Variants in EIF4E2 observed in about 807,000 individuals in gnomAD.
EIF4E2 encodes eukaryotic translation initiation factor 4E type 2.
EIF4E2 carries 13 observed loss-of-function variants against 34.2 expected under a neutral mutation model. That is an observed-to-expected ratio of 0.38 (90% confidence interval 0.25 to 0.60). The LOEUF is 0.60. Among genes scored for constraint, EIF4E2 ranks in the 20% least tolerant of loss-of-function variants. The pLI, the probability that EIF4E2 is intolerant of heterozygous loss-of-function variation, is 0.62. For missense variants in EIF4E2, 222 were observed against 315.1 expected (o/e 0.70, Z 2.24); for synonymous variants, 100 against 106.6 (o/e 0.94, Z 0.38).
chr2:232,571,041 A>G (rs1462709235), downstream of EIF4E2, among the ~76,000 whole-genome samples: 1 of 152,188 alleles, frequency 6.6e-6, no homozygotes, highest in African/African-American at 2.4e-5. Flanking sequence ...GGAGTTTTTT[A>G]AGAGTAGCTT....
At chr2:232,568,135 T>TA (rs1484914998) in intron 6 of EIF4E2, 1 of 985,270 alleles carries the variant, frequency 1.0e-6, no homozygotes, top group African/African-American at 1.7e-5. Context: ...CGGGGCCAAG[T>TA]AGTAGTATTG....
intron 3 of EIF4E2, among the ~76,000 whole-genome samples, chr2:232,563,189 C>T (rs1026344315): frequency 7.2e-5 from 11 of 152,272 alleles, no homozygotes; most frequent in Middle Eastern, 3.4e-3. Flanking sequence ...TTTTCTCTTT[C>T]CTCCTAAAGT....
Position 232,569,115 on chromosome 2 carries a change from A to G in EIF4E2, c.*98A>G. The G allele has an allele frequency of 1.3e-6, 2 of 1,538,392 alleles. No individual in the cohort carries two copies. The highest frequency in any genetic ancestry group is 2.4e-5 in the South Asian group (2 of 83,320). On this transcript the variant is annotated 3_prime_UTR_variant, in exon 7 of 7. Transcript: ENST00000258416. ...CCTGGAAGATCCTTCTGTCCTGGAC[A>G]AGAGGAATTGGAAGAGCATTTTATG...
chr2:232,558,063 C>A, intron 3 of EIF4E2, 45 bp downstream of exon 3: 2 of 1,607,004 alleles, frequency 1.2e-6, no homozygotes, highest in South Asian at 2.2e-5. Context: ...ATAGTTCGTT[C>A]ATGCCTGTAT....
rs879729698 is a variant in EIF4E2 at position 232,566,098 on chromosome 2, GAAAA to G, written c.376-721_376-718del. Among the ~76,000 whole-genome samples the G allele has an allele frequency of 1.7e-4, 24 of 137,512 alleles. No homozygotes were observed. The highest frequency in any genetic ancestry group is 4.8e-4 in the South Asian group (2 of 4,204). The allele number at this position is 137,512 out of a possible 152,430, so 90.2% of individuals were successfully genotyped here. ...CAGCGGGAGACTCCATCGCAAAAAA[GAAAA>G]AAAAAAAAACTAGATTGGGGCTTCA... is the stretch of plus-strand genomic sequence containing the variant. On this transcript the variant is annotated intron_variant, in intron 4 of 6. Transcript: ENST00000258416. The surrounding 1 kb of genome is among the most constrained non-coding windows in gnomAD (Gnocchi z 4.9).
chr2:232,580,992 G>A (rs1452608197), exon 7 of EIF4E2: 3 of 1,527,138 alleles, frequency 2.0e-6, no homozygotes, highest in Admixed American at 2.0e-5. Context: ...GTGTTTGTCC[G>A]AAATGGATGG....
rs1442216813 is a variant in EIF4E2 at position 232,550,747 on chromosome 2, G to A, written c.20+3G>A. 1 of 1,574,534 alleles carries A rather than the reference G, an allele frequency of 6.4e-7. No homozygotes were observed. The highest frequency in any genetic ancestry group is 1.2e-5 in the South Asian group (1 of 86,312). On this transcript the variant is annotated splice_donor_region_variant and intron_variant, in intron 1 of 6. Coordinates refer to ENST00000258416, the MANE Select transcript of EIF4E2 (RefSeq NM_004846.4). ...AGGATGAACAACAAGTTCGACGCGT[G>A]AGTGGCTCGTGGCCGCCCCCGGGGC...
intron 1 of EIF4E2, among the ~76,000 whole-genome samples, chr2:232,553,611 T>A (rs534046445): frequency 9.2e-5 from 14 of 152,288 alleles, no homozygotes; most frequent in Non-Finnish European, 1.8e-4. Context: ...GAGCACTGAT[T>A]TTTCAGTCTG....
At chr2:232,565,536 A>G (rs779472907) in intron 4 of EIF4E2, among the ~76,000 whole-genome samples, 52 of 152,182 alleles carry the variant, frequency 3.4e-4, no homozygotes, top group Middle Eastern at 6.8e-3. Context: ...CGGGAGGCTG[A>G]GACAGGAGAC....
exon 7 of EIF4E2, chr2:232,582,123 A>G (rs1360753613): frequency 2.0e-5 from 3 of 152,696 alleles, no homozygotes; most frequent in African/African-American, 7.2e-5. Flanking sequence ...GACTGAAGTC[A>G]GAGAAGTCAC....
intron 6 of EIF4E2, chr2:232,567,686 T>A: frequency 6.9e-6 from 7 of 1,007,278 alleles, no homozygotes; most frequent in Non-Finnish European, 8.3e-6. Flanking sequence ...TGTATAGAGC[T>A]GACTCTTAGA....
At chr2:232,578,064 A>T (rs1315109863) in intron 6 of EIF4E2, among the ~76,000 whole-genome samples, 1 of 152,178 alleles carries the variant, frequency 6.6e-6, no homozygotes, top group Non-Finnish European at 1.5e-5. Context: ...CAAATTTGGC[A>T]TCAAGCTGTT....
intron 6 of EIF4E2, among the ~76,000 whole-genome samples, chr2:232,576,020 A>G (rs571596118): frequency 1.8e-3 from 279 of 152,274 alleles, no homozygotes; most frequent in African/African-American, 6.1e-3. Flanking sequence ...CCTGGCCAAC[A>G]TGGTGAAACC....
chr2:232,553,865 C>CA (rs3838537), intron 1 of EIF4E2: 116,546 of 152,038 alleles, frequency 0.77, 45,206 homozygotes, highest in Middle Eastern at 0.91. Context: ...TGATCAGCAG[C>CA]AAACCACTAA....
At position 232,550,721 on chromosome 2, in the gene EIF4E2, G is replaced by T; in HGVS notation, c.-4G>T. ...GAGGCAGTGGCGACAGCGGCGGCGA[G>T]AGGATGAACAACAAGTTCGACGCGT... On this transcript the variant is annotated 5_prime_UTR_variant, in exon 1 of 7. Transcript: ENST00000258416. 1 of 1,586,170 alleles carries T rather than the reference G, an allele frequency of 6.3e-7. No individual in the cohort carries two copies. The highest frequency in any genetic ancestry group is 8.6e-7 in the Non-Finnish European group (1 of 1,168,044).
chr2:232,574,991 GT>G (rs1373509261), intron 6 of EIF4E2, among the ~76,000 whole-genome samples: 1 of 152,174 alleles, frequency 6.6e-6, no homozygotes, highest in African/African-American at 2.4e-5. Flanking sequence ...TCAAGTCCAT[GT>G]TTGTCTCTGT....
At chr2:232,583,038 T>A (rs1355441532) in exon 7 of EIF4E2, 3 of 152,222 alleles carry the variant, frequency 2.0e-5, no homozygotes, top group Non-Finnish European at 4.4e-5. Context: ...AGTCAGTTTA[T>A]CTAAACCCTC....
At chr2:232,569,294 G>C, downstream of EIF4E2, 1 of 1,242,088 alleles carries the variant, frequency 8.1e-7, no homozygotes, top group Admixed American at 3.5e-5. Context: ...GGATGGCACA[G>C]ACTTTTCCAT....
chr2:232,555,198 A>G (rs188377012), intron 1 of EIF4E2, among the ~76,000 whole-genome samples: 6 of 152,246 alleles, frequency 3.9e-5, no homozygotes, highest in Non-Finnish European at 8.8e-5. Context: ...ATGTGTCAGC[A>G]TAGGGTAGTA....
Sources: gnomAD v4.1 joint callset for allele counts (sites outside exome capture counted in the v4.1 genomes callset) on GRCh38, gnomAD v4.1.1 for gene constraint, Gnocchi (gnomAD v3.1) non-coding constraint, MANE v1.5 for transcripts, NCBI Gene and HGNC (gene_info 2026-07-23, HGNC 2026-07-21) for gene names.